The following MTUS2 variants were observed in gnomAD, a reference collection of about 807,000 sequenced individuals.
MTUS2 encodes microtubule-associated tumor suppressor candidate 2.
Under a neutral mutation model 114.1 loss-of-function variants are expected in MTUS2, and 40 were observed. The ratio of observed to expected loss-of-function variants is 0.35; its 90% CI spans 0.27 to 0.46. MTUS2 has a LOEUF of 0.46. Among genes scored for constraint, MTUS2 ranks in the 20% least tolerant of loss-of-function variants. The probability of loss-of-function intolerance (pLI) is 1.00; values close to 1 mark genes in which losing one functional copy is unlikely to be tolerated. For synonymous variants in MTUS2, 688 were observed against 672.0 expected (o/e 1.02, Z -0.37); for missense variants, 1,679 against 1,705.4 (o/e 0.98, Z 0.27).
Position 29,074,291 on chromosome 13 carries a change from C to G in MTUS2, c.2447-26482C>G, listed in dbSNP as rs147228511. Among the ~76,000 whole-genome samples, 165 of 152,256 alleles carry G rather than the reference C, an allele frequency of 1.1e-3. 1 individual carries two copies. The highest frequency in any genetic ancestry group is 3.6e-3 in the African/African-American group (148 of 41,556). ...CCTTTTTATCCTTTATGACTCAGGT[C>G]AAGTTTACCTCCTCCAGTAACCTAT... On this transcript the variant is annotated intron_variant, in intron 4 of 15. Transcript: ENST00000612955.
At chr13:29,126,143 G>C (rs1891505188) in intron 5 of MTUS2, among the ~76,000 whole-genome samples, 1 of 152,134 alleles carries the variant, frequency 6.6e-6, no homozygotes, top group Non-Finnish European at 1.5e-5. Context: ...AAATGAGGTT[G>C]GTGGGCTGTC....
chr13:28,905,647 TCA>T lies in MTUS2; in HGVS notation c.-243+65798_-243+65799del, dbSNP rs373233149. 2.8e-3 allele frequency among the ~76,000 whole-genome samples: 431 copies of T among 151,752 alleles called. 9 individuals carry two copies. In the East Asian group the frequency reaches 0.034, roughly 12 times the overall value. On this transcript the variant is annotated intron_variant, in intron 2 of 15. Coordinates refer to ENST00000612955, the MANE Select transcript of MTUS2 (RefSeq NM_001033602.4). ...TAAGCTTTTTGATGTGCTGCTGGAT[TCA>T]GTTTGCCAGTATTTTATTGAGGATT...
At chr13:29,071,736 T>G (rs1414110981) in intron 4 of MTUS2, among the ~76,000 whole-genome samples, 1 of 152,154 alleles carries the variant, frequency 6.6e-6, no homozygotes, top group Non-Finnish European at 1.5e-5. Flanking sequence ...CAGGGCAGTT[T>G]TTCTTTGCTT....
intron 7 of MTUS2, among the ~76,000 whole-genome samples, chr13:29,326,179 T>A (rs1440290252): frequency 6.6e-6 from 1 of 152,112 alleles, no homozygotes; most frequent in African/African-American, 2.4e-5. Flanking sequence ...CAGCTCCAGC[T>A]CTGAGGGAAG....
rs538403509 is a variant in MTUS2 at position 29,278,286 on chromosome 13, G to A, written c.2645-3418G>A. On this transcript the variant is annotated intron_variant, in intron 5 of 15. Coordinates refer to ENST00000612955, the MANE Select transcript of MTUS2 (RefSeq NM_001033602.4). ...GACAGGCAAAGTACAAATCAGGAGG[G>A]TTGCATTAAAATGAGAAAGTTCTCA... Among the ~76,000 whole-genome samples the A allele has an allele frequency of 1.2e-4, 19 of 152,296 alleles. No individual in the cohort carries two copies. The South Asian group carries it at 3.7e-3, about 30-fold the overall frequency.
rs1318043362 is a variant in MTUS2 at position 29,480,302 on chromosome 13, G to A, written c.3337G>A (p.Ala1113Thr). 6.4e-7 allele frequency: 1 copy of A among 1,556,138 alleles called. No individual in the cohort carries two copies. Among genetic ancestry groups the A allele is most frequent in the Admixed American group, 1.9e-5 (1 of 51,956 alleles). ...GCAGCTGCAATTCGAGGCGGAAATG[G>A]CGCGCCTGCAGGAGGAGCACGGTGA... ...RLQLQFEAEM[A>T]RLQEEHGDQL... The change falls in exon 10 of 16, where the codon GCG becomes ACG. Residue 1113 changes from alanine to threonine, a missense_variant. Around this residue, in one of 3 missense-constraint regions of MTUS2, gnomAD observed 822 missense variants for 899.7 expected, o/e 0.91. Coordinates refer to ENST00000612955, the MANE Select transcript of MTUS2 (RefSeq NM_001033602.4). This position sits in a 1 kb window ranked among gnomAD's most constrained non-coding sequence, Gnocchi z 4.4.
At chr13:29,442,804 G>T (rs769036819) in intron 9 of MTUS2, among the ~76,000 whole-genome samples, 1 of 152,214 alleles carries the variant, frequency 6.6e-6, no homozygotes, top group Non-Finnish European at 1.5e-5. Context: ...CATGAGGAAG[G>T]TTGGGTCTTC....
chr13:29,356,912 C>A (rs182428645), intron 7 of MTUS2, among the ~76,000 whole-genome samples: 2 of 152,126 alleles, frequency 1.3e-5, no homozygotes, highest in African/African-American at 4.8e-5. Flanking sequence ...TGTCACAGAG[C>A]GGCTAAACTT....
intron 5 of MTUS2, among the ~76,000 whole-genome samples, chr13:29,158,358 CTTTTT>C (rs372666382): frequency 9.4e-5 from 3 of 32,048 alleles, no homozygotes; most frequent in African/African-American, 6.2e-4. Flanking sequence ...GTCCACCCCG[CTTTTT>C]TTTTTTTTTT....
intron 5 of MTUS2, among the ~76,000 whole-genome samples, chr13:29,189,392 G>A (rs1018317943): frequency 2.6e-5 from 4 of 152,054 alleles, no homozygotes; most frequent in South Asian, 2.1e-4. Context: ...GGAGTGATAT[G>A]CTCCCATGCA....
intron 5 of MTUS2, among the ~76,000 whole-genome samples, chr13:29,122,511 G>A (rs1891352789): frequency 6.6e-6 from 1 of 152,134 alleles, no homozygotes; most frequent in South Asian, 2.1e-4. Flanking sequence ...AGAACAGCAT[G>A]AGGATAACCA....
At chr13:29,000,402 G>T (rs749556523) in intron 2 of MTUS2, among the ~76,000 whole-genome samples, 1 of 151,752 alleles carries the variant, frequency 6.6e-6, no homozygotes, top group Non-Finnish European at 1.5e-5. Context: ...CATTCTTGTT[G>T]CCCAGGCTGT....
intron 5 of MTUS2, among the ~76,000 whole-genome samples, chr13:29,237,942 A>T (rs1896595682): frequency 6.6e-6 from 1 of 152,228 alleles, no homozygotes; most frequent in African/African-American, 2.4e-5. Flanking sequence ...AAAAGAAAAA[A>T]AGAAAAGAAA....
chr13:28,899,357 G>C (rs1254873735), intron 2 of MTUS2, among the ~76,000 whole-genome samples: 1 of 152,118 alleles, frequency 6.6e-6, no homozygotes, highest in Non-Finnish European at 1.5e-5. Context: ...TTTGGCCAAA[G>C]GTGGCCAGCT....
chr13:29,248,312 T>C (rs945398741), intron 5 of MTUS2, among the ~76,000 whole-genome samples: 29 of 152,266 alleles, frequency 1.9e-4, no homozygotes, highest in African/African-American at 6.5e-4. Context: ...CCTTAGCTGA[T>C]GGGTGCACCA....
intron 9 of MTUS2, among the ~76,000 whole-genome samples, chr13:29,448,428 T>C (rs551258773): frequency 4.6e-5 from 7 of 152,352 alleles, no homozygotes; most frequent in Admixed American, 1.3e-4. Context: ...GCTGGCTTCA[T>C]TGGCCAGAAC....
intron 8 of MTUS2, among the ~76,000 whole-genome samples, chr13:29,410,945 C>T (rs1875186808): frequency 6.6e-6 from 1 of 152,162 alleles, no homozygotes; most frequent in Admixed American, 6.5e-5. Flanking sequence ...AATTCTTGTG[C>T]CTCAGCCTCC....
intron 4 of MTUS2, among the ~76,000 whole-genome samples, chr13:29,056,721 G>C (rs1264187075): frequency 6.6e-6 from 1 of 151,884 alleles, no homozygotes; most frequent in Non-Finnish European, 1.5e-5. Context: ...AATCTAGCTA[G>C]TGGTCTATCC....
chr13:29,222,727 C>T, intron 5 of MTUS2, among the ~76,000 whole-genome samples: 1 of 152,200 alleles, frequency 6.6e-6, no homozygotes, highest in East Asian at 1.9e-4. Context: ...GGCTGTGGAC[C>T]CAGGCATCTC....
Sources: gnomAD v4.1 joint callset for allele counts (sites outside exome capture counted in the v4.1 genomes callset) on GRCh38, gnomAD v4.1.1 for gene constraint, gnomAD v4.1.1 regional missense constraint, Gnocchi (gnomAD v3.1) non-coding constraint, MANE v1.5 for transcripts, NCBI Gene and HGNC (gene_info 2026-07-23, HGNC 2026-07-21) for gene names.